The following ZFHX3 variants were observed in gnomAD, a reference collection of about 807,000 sequenced individuals.
ZFHX3 encodes zinc finger homeobox 3.
ZFHX3 carries 42 observed loss-of-function variants against 279.1 expected under a neutral mutation model. That is an observed-to-expected ratio of 0.15 (90% CI 0.12 to 0.19). ZFHX3 has a LOEUF of 0.19. Ranked by LOEUF, ZFHX3 falls within the 10% of genes least tolerant of loss-of-function variation. ZFHX3 has a pLI of 1.00. For missense variants in ZFHX3, 4,981 were observed against 4,754.0 expected (o/e 1.05, Z -1.40); for synonymous variants, 2,293 against 1,957.8 (o/e 1.17, Z -4.52).
intron 2 of ZFHX3, chr16:73,504,263 AGG>A (rs1172490721): frequency 6.6e-6 from 1 of 152,228 alleles, no homozygotes; most frequent in Admixed American, 6.5e-5. Flanking sequence ...CAGTGGCTGG[AGG>A]ATGATACACC....
At chr16:73,392,515 T>C (rs996012066) in intron 3 of ZFHX3, among the ~76,000 whole-genome samples, 1 of 151,300 alleles carries the variant, frequency 6.6e-6, no homozygotes, top group Non-Finnish European at 1.5e-5. Context: ...AGGAATCAGT[T>C]TAAAGCACTA....
chr16:72,961,820 T>G (rs1029793806), intron 1 of ZFHX3, among the ~76,000 whole-genome samples: 1 of 152,326 alleles, frequency 6.6e-6, no homozygotes, highest in African/African-American at 2.4e-5. Context: ...CTTCAGATTT[T>G]GCAACCACAA....
intron 3 of ZFHX3, among the ~76,000 whole-genome samples, chr16:72,896,656 G>A (rs2038908330): frequency 1.3e-5 from 2 of 152,120 alleles, no homozygotes; most frequent in African/African-American, 2.4e-5. Context: ...TCAAAAAAAC[G>A]TGTTCCTGTT....
intron 2 of ZFHX3, among the ~76,000 whole-genome samples, chr16:73,528,614 T>TA (rs1415722442): frequency 7.2e-5 from 11 of 152,194 alleles, no homozygotes; most frequent in African/African-American, 2.7e-4. Flanking sequence ...GGGGGAGAAT[T>TA]CAGCTGTCTG....
intron 4 of ZFHX3, among the ~76,000 whole-genome samples, chr16:73,289,816 A>G (rs2014722950): frequency 6.6e-6 from 1 of 152,140 alleles, no homozygotes; most frequent in African/African-American, 2.4e-5. Context: ...CCAGGAATCC[A>G]GGAGGGAGTG....
chr16:73,668,170 T>C (rs2052864680), intron 2 of ZFHX3, among the ~76,000 whole-genome samples: 1 of 152,158 alleles, frequency 6.6e-6, no homozygotes, highest in Admixed American at 6.6e-5. Flanking sequence ...CAAGTGTCTA[T>C]CATGGTCAAG....
At chr16:73,108,206 C>T (rs186251805) in intron 7 of ZFHX3, among the ~76,000 whole-genome samples, 2 of 151,762 alleles carry the variant, frequency 1.3e-5, no homozygotes, top group Non-Finnish European at 2.9e-5. Flanking sequence ...TGGTGGTGTG[C>T]CCCCGTGGTC....
chr16:73,417,714 C>T (rs962677757), intron 3 of ZFHX3, among the ~76,000 whole-genome samples: 1 of 151,540 alleles, frequency 6.6e-6, no homozygotes, highest in Admixed American at 6.6e-5. Flanking sequence ...CGCCTGTAAT[C>T]CCAGTACTAG....
intron 1 of ZFHX3, among the ~76,000 whole-genome samples, chr16:73,841,735 A>G (rs1190748909): frequency 6.6e-6 from 1 of 152,208 alleles, no homozygotes; most frequent in Non-Finnish European, 1.5e-5. Context: ...AGAACTTTGC[A>G]TAAGAAGTGA....
intron 1 of ZFHX3, among the ~76,000 whole-genome samples, chr16:72,996,419 T>G (rs1963295709): frequency 6.6e-6 from 1 of 152,250 alleles, no homozygotes; most frequent in South Asian, 2.1e-4. Context: ...CTTCTCATCT[T>G]CTGTAAACCA....
chr16:73,491,694 A>G (rs550151200), intron 2 of ZFHX3, among the ~76,000 whole-genome samples: 1 of 152,310 alleles, frequency 6.6e-6, no homozygotes, highest in East Asian at 1.9e-4. Context: ...AGTTTGGTCT[A>G]ACTCGTTGCT....
intron 1 of ZFHX3, among the ~76,000 whole-genome samples, chr16:73,889,056 C>T (rs1433959531): frequency 1.3e-5 from 2 of 152,156 alleles, no homozygotes; most frequent in Admixed American, 6.5e-5. Flanking sequence ...GTAACACAGG[C>T]CCACTGATTT....
intron 1 of ZFHX3, among the ~76,000 whole-genome samples, chr16:73,730,208 G>T (rs892772713): frequency 6.6e-6 from 1 of 152,036 alleles, no homozygotes; most frequent in Non-Finnish European, 1.5e-5. Context: ...CAAATGCAAA[G>T]GACAGAATAT....
At chr16:73,019,365 TGTGC>T (rs150272212) in intron 1 of ZFHX3, among the ~76,000 whole-genome samples, 44 of 144,582 alleles carry the variant, frequency 3.0e-4, no homozygotes, top group African/African-American at 4.0e-4. Context: ...TGTGTGTGTG[TGTGC>T]GTGTGCGTGT....
chr16:73,452,748 G>A (rs757635038), intron 3 of ZFHX3, among the ~76,000 whole-genome samples: 8 of 152,174 alleles, frequency 5.3e-5, no homozygotes, highest in Admixed American at 1.3e-4. Context: ...AAGTTTCAAG[G>A]TAGAACAATA....
intron 3 of ZFHX3, among the ~76,000 whole-genome samples, chr16:73,385,846 C>T (rs367686454): frequency 1.2e-4 from 18 of 152,234 alleles, no homozygotes; most frequent in South Asian, 8.3e-4. Context: ...TTTGTTCCCA[C>T]GGAAGGTGAT....
Position 72,959,999 on chromosome 16 carries a change from G to A in ZFHX3, c.147C>T (p.Pro49=). Residue 49 remains proline (P), a synonymous_variant, in exon 2 of 10, where the codon CCC becomes CCT. Transcript: ENST00000268489. ...TGAAGGGGGCCCTCAGGCTGTCCAA[G>A]GGCCCGTGGCTCTCGCCTGTGGACT... is the stretch of plus-strand genomic sequence containing the variant. ...MEQSTGESHG[P]LDSLRAPFNE... is the part of the protein sequence containing the mutation. 6.2e-7 allele frequency: 1 copy of A among 1,613,858 alleles called. No homozygotes were observed. Among genetic ancestry groups the A allele is most frequent in the South Asian group, 1.1e-5 (1 of 91,062 alleles).
intron 4 of ZFHX3, among the ~76,000 whole-genome samples, chr16:73,305,209 G>C (rs1239698969): frequency 6.6e-6 from 1 of 152,166 alleles, no homozygotes; most frequent in Non-Finnish European, 1.5e-5. Flanking sequence ...TGTAAGCTGG[G>C]CAATTTCAGA....
At chr16:73,553,212 T>C (rs2020227143) in intron 2 of ZFHX3, among the ~76,000 whole-genome samples, 1 of 151,480 alleles carries the variant, frequency 6.6e-6, no homozygotes, top group Non-Finnish European at 1.5e-5. Flanking sequence ...TTTTTCAAAA[T>C]AGTGTCTGAT....
Sources: allele counts gnomAD v4.1 joint callset (sites outside exome capture counted in the v4.1 genomes callset), GRCh38; gene constraint gnomAD v4.1.1; transcripts MANE v1.5; gene names NCBI Gene and HGNC (gene_info 2026-07-23, HGNC 2026-07-21).